NKAIN3: variants seen among roughly 807,000 people sequenced by gnomAD.
The protein encoded by NKAIN3 is sodium/potassium transporting ATPase interacting 3, also known as sodium/potassium-transporting ATPase subunit beta-1-interacting protein 3.
In NKAIN3, 25 loss-of-function variants were observed where a neutral mutation model predicts 30.2. The observed-to-expected ratio is 0.83, with a 90% CI of 0.60 to 1.16. NKAIN3 has a LOEUF of 1.16. Ranked by LOEUF, NKAIN3 falls within the 50% of genes most tolerant of loss-of-function variation. The pLI, the probability that NKAIN3 is intolerant of heterozygous loss-of-function variation, is 0.00. For synonymous variants in NKAIN3, 91 were observed against 89.6 expected, an observed-to-expected ratio of 1.02 and a Z score of -0.09; for missense variants, 225 against 254.1, an observed-to-expected ratio of 0.89 and a Z score of 0.78.
At chr8:62,370,891 A>G (rs1816886130) in intron 1 of NKAIN3, among the ~76,000 whole-genome samples, 1 of 152,004 alleles carries the variant, frequency 6.6e-6, no homozygotes, top group African/African-American at 2.4e-5. Context: ...TTTGAAATTT[A>G]AAACCAATGA....
chr8:62,516,497 T>A (rs1807988214), intron 1 of NKAIN3, among the ~76,000 whole-genome samples: 1 of 152,154 alleles, frequency 6.6e-6, no homozygotes, highest in African/African-American at 2.4e-5. Context: ...AACCTTAGTT[T>A]GTTTTACTTG....
chr8:62,689,361 C>G (rs1392780967), intron 3 of NKAIN3, among the ~76,000 whole-genome samples: 1 of 152,142 alleles, frequency 6.6e-6, no homozygotes. Flanking sequence ...CTTCTGCACA[C>G]TTCAGTATTT....
At chr8:62,286,364 A>G (rs1813380010) in intron 1 of NKAIN3, among the ~76,000 whole-genome samples, 1 of 152,142 alleles carries the variant, frequency 6.6e-6, no homozygotes, top group Non-Finnish European at 1.5e-5. Context: ...ACTCTTTTGT[A>G]TTTATATAAA....
At chr8:62,955,228 T>A (rs1256377022) in intron 6 of NKAIN3, among the ~76,000 whole-genome samples, 1 of 152,182 alleles carries the variant, frequency 6.6e-6, no homozygotes, top group Non-Finnish European at 1.5e-5. Context: ...ACATGATAGA[T>A]GTTTAAATAA....
chr8:62,770,993 CAAG>C (rs1250613955), intron 4 of NKAIN3, among the ~76,000 whole-genome samples: 1 of 151,930 alleles, frequency 6.6e-6, no homozygotes, highest in Non-Finnish European at 1.5e-5. Flanking sequence ...TGCAAAGAAA[CAAG>C]AAAGTGTGAC....
intron 5 of NKAIN3, among the ~76,000 whole-genome samples, chr8:62,937,875 G>A (rs1822835917): frequency 6.6e-6 from 1 of 152,068 alleles, no homozygotes; most frequent in South Asian, 2.1e-4. Context: ...CATAGTGAGA[G>A]TGAGACTGGC....
At chr8:62,326,908 T>G (rs2129589779) in intron 1 of NKAIN3, among the ~76,000 whole-genome samples, 1 of 152,192 alleles carries the variant, frequency 6.6e-6, no homozygotes, top group South Asian at 2.1e-4. Context: ...TGCATCATTT[T>G]ACGTTGCCGC....
chr8:62,748,681 C>A (rs1816167201), intron 4 of NKAIN3, among the ~76,000 whole-genome samples: 1 of 152,094 alleles, frequency 6.6e-6, no homozygotes, highest in South Asian at 2.1e-4. Context: ...GACTAAAGAT[C>A]TGAATAAAAC....
chr8:62,683,033 G>T (rs1241846807), intron 3 of NKAIN3, among the ~76,000 whole-genome samples: 1 of 151,902 alleles, frequency 6.6e-6, no homozygotes. Context: ...TTTTTTGTTT[G>T]TTTGTTTGTT....
Position 62,965,956 on chromosome 8 carries a change from C to A in NKAIN3, c.*549C>A. 6 of 984,746 alleles carry A rather than the reference C, an allele frequency of 6.1e-6. No individual in the cohort carries two copies. The highest frequency in any genetic ancestry group is 7.2e-6 in the Non-Finnish European group (6 of 829,350). The allele number at this position is 984,746 out of a possible 1,614,324, so 61.0% of individuals were successfully genotyped here. On this transcript the variant is annotated 3_prime_UTR_variant, in exon 7 of 7. Transcript: ENST00000623646. ...GCATAAAACAAAACATGGAGTCCTC[C>A]TTTGTTCCTGACTTCTTAAAACCCA... is the stretch of plus-strand genomic sequence containing the variant.
intron 1 of NKAIN3, among the ~76,000 whole-genome samples, chr8:62,549,337 G>A (rs996268093): frequency 4.0e-5 from 6 of 151,868 alleles, no homozygotes; most frequent in Non-Finnish European, 5.9e-5. Flanking sequence ...TTTTTTTGGG[G>A]GATCGGAGGG....
In NKAIN3 at chr8:62,667,624, T is replaced by G. The variant is rs1480189; in HGVS notation, c.273+77830T>G. Among the ~76,000 whole-genome samples, 10 of 151,748 alleles carry G rather than the reference T, an allele frequency of 6.6e-5. 1 individual carries two copies. The East Asian group carries it at 1.8e-3, about 27-fold the overall frequency. ...CTGTCTAAGCCATCCTCATTACTCATCTGTTGCATTAGCCTCCAGCTTCCA... is the reference window on the plus strand; with the variant it reads ...CTGTCTAAGCCATCCTCATTACTCAGCTGTTGCATTAGCCTCCAGCTTCCA... On this transcript the variant is annotated intron_variant, in intron 3 of 6. Transcript: ENST00000623646.
intron 1 of NKAIN3, among the ~76,000 whole-genome samples, chr8:62,337,568 A>G (rs1415149811): frequency 1.4e-4 from 4 of 28,406 alleles, no homozygotes; most frequent in Non-Finnish European, 7.1e-5. Context: ...ACTGTCAAGT[A>G]TAGTACATAT....
At chr8:62,480,844 C>T (rs1563417897) in intron 1 of NKAIN3, among the ~76,000 whole-genome samples, 1 of 152,014 alleles carries the variant, frequency 6.6e-6, no homozygotes, top group Admixed American at 6.6e-5. Context: ...TTCTCAGTGT[C>T]TTAGGGAACA....
chr8:62,744,571 G>A (rs1230897598), intron 3 of NKAIN3, among the ~76,000 whole-genome samples: 4 of 152,160 alleles, frequency 2.6e-5, no homozygotes, highest in East Asian at 1.9e-4. Flanking sequence ...AGTTCATCTC[G>A]AACCTGGTGA....
At chr8:62,836,869 A>G (rs1819382820) in intron 4 of NKAIN3, among the ~76,000 whole-genome samples, 1 of 152,156 alleles carries the variant, frequency 6.6e-6, no homozygotes, top group South Asian at 2.1e-4. Context: ...TAAAGATGCA[A>G]ATATCTGTAT....
chr8:62,998,277 T>C (rs542334464), intron 5 of NKAIN3, among the ~76,000 whole-genome samples: 5 of 152,202 alleles, frequency 3.3e-5, no homozygotes, highest in Admixed American at 6.5e-5. Flanking sequence ...TCTCTCTTTT[T>C]TTTTCCCCCA....
intron 4 of NKAIN3, among the ~76,000 whole-genome samples, chr8:62,836,331 G>A (rs1178606982): frequency 6.6e-6 from 1 of 151,736 alleles, no homozygotes; most frequent in Non-Finnish European, 1.5e-5. Flanking sequence ...AATAAAAGTT[G>A]AAATTATTTT....
chr8:62,863,319 A>T (rs769110709), intron 4 of NKAIN3: 32 of 1,549,582 alleles, frequency 2.1e-5, no homozygotes, highest in Non-Finnish European at 2.7e-5. Context: ...CTGAAGGAGG[A>T]GGAATACCTG....
Sources: gnomAD v4.1 joint callset for allele counts (sites outside exome capture counted in the v4.1 genomes callset) on GRCh38, gnomAD v4.1.1 for gene constraint, MANE v1.5 for transcripts, NCBI Gene and HGNC (gene_info 2026-07-23, HGNC 2026-07-21) for gene names.